AMN1: variants seen among roughly 807,000 people sequenced by gnomAD.
AMN1 encodes protein AMN1 homolog.
In AMN1, 20 loss-of-function variants were observed where a neutral mutation model predicts 33.0. That is an observed-to-expected ratio of 0.61 (90% confidence interval 0.43 to 0.88). AMN1 has a LOEUF of 0.88. AMN1 is among the 40% of genes least tolerant of loss of function. AMN1 has a pLI of 0.00. For missense variants in AMN1, 246 were observed against 307.4 expected (o/e 0.80, Z 1.49); for synonymous variants, 114 against 111.9 (o/e 1.02, Z -0.12).
chr12:31,672,919 G>C (rs1951312680), intron 6 of AMN1: 1 of 153,444 alleles, frequency 6.5e-6, no homozygotes, highest in Non-Finnish European at 1.5e-5. Context: ...TTCCATGTCT[G>C]TATAATACTA....
At chr12:31,676,855 A>G (rs187549060) in intron 6 of AMN1, among the ~76,000 whole-genome samples, 1 of 151,964 alleles carries the variant, frequency 6.6e-6, no homozygotes, top group East Asian at 1.9e-4. Flanking sequence ...GTTATATTAC[A>G]GTCTCCTTAG....
intron 6 of AMN1, 24 bp from the exon 7 acceptor site, chr12:31,672,401 A>G (rs574564194): frequency 1.3e-6 from 2 of 1,484,320 alleles, no homozygotes; most frequent in East Asian, 2.4e-5. Context: ...CAATGACAAT[A>G]TATTAATTGA....
At chr12:31,684,899 A>C (rs954774545) in intron 6 of AMN1, among the ~76,000 whole-genome samples, 7 of 152,208 alleles carry the variant, frequency 4.6e-5, no homozygotes, top group African/African-American at 1.7e-4. Context: ...CCAACATAAA[A>C]ATACGAAGGT....
chr12:31,682,290 A>G (rs972197396), intron 6 of AMN1, among the ~76,000 whole-genome samples: 1 of 152,194 alleles, frequency 6.6e-6, no homozygotes, highest in African/African-American at 2.4e-5. Context: ...CAGAACAAAG[A>G]AAAAGATGTG....
At chr12:31,724,543 A>G (rs553009254) in intron 1 of AMN1, among the ~76,000 whole-genome samples, 1 of 152,090 alleles carries the variant, frequency 6.6e-6, no homozygotes. Flanking sequence ...ATATATATAT[A>G]TTTTTTTACC....
chr12:31,720,397 G>A (rs894927473), intron 1 of AMN1, among the ~76,000 whole-genome samples: 10 of 152,234 alleles, frequency 6.6e-5, no homozygotes, highest in South Asian at 2.1e-4. Flanking sequence ...AAAATTAGCC[G>A]GGTGTGGTGG....
In AMN1 at chr12:31,687,131, C is replaced by T. The variant is rs1047533330; in HGVS notation, c.703+1876G>A. 2.6e-5 allele frequency among the ~76,000 whole-genome samples: 4 copies of T among 152,060 alleles called. No homozygotes were observed. The highest frequency in any genetic ancestry group is 1.3e-4 in the Admixed American group (2 of 15,262). ...GCTTAAGTGATCCACCCACCTTAGC[C>T]TCCCACAGTGCTGGGATTACAGGCA... On this transcript the variant is annotated intron_variant, in intron 6 of 6. Transcript: ENST00000281471. This position sits in a 1 kb window ranked among gnomAD's most constrained non-coding sequence, Gnocchi z 4.1.
At chr12:31,699,997 T>C (rs1357041397) in intron 3 of AMN1, among the ~76,000 whole-genome samples, 1 of 152,200 alleles carries the variant, frequency 6.6e-6, no homozygotes, top group Non-Finnish European at 1.5e-5. Flanking sequence ...TTCTTTTTTG[T>C]GAGTTATTAT....
chr12:31,722,876 G>A (rs138353790), intron 1 of AMN1, among the ~76,000 whole-genome samples: 42 of 152,266 alleles, frequency 2.8e-4, no homozygotes, highest in African/African-American at 9.6e-4. Flanking sequence ...CAAGTTTTAC[G>A]CCTGGCACGG....
At position 31,697,590 on chromosome 12, in the gene AMN1, T is replaced by G; in HGVS notation, c.534+150A>C. Reference sequence around the variant, plus strand: ...CTTAATTGAGAGGAATATGCCAATATATATCTCAATTACTTAACCACAAAA... The same window carrying G: ...CTTAATTGAGAGGAATATGCCAATAGATATCTCAATTACTTAACCACAAAA... On this transcript the variant is annotated intron_variant, in intron 4 of 6. Transcript: ENST00000281471. The G allele has an allele frequency of 3.9e-6, 4 of 1,016,552 alleles. No homozygotes were observed. In the South Asian group the frequency reaches 6.1e-5, roughly 16 times the overall value. 63.0% of individuals were successfully genotyped at this position (1,016,552 alleles called of 1,614,324 possible).
intron 5 of AMN1, 55 bp from the exon 6 acceptor site, chr12:31,689,173 G>C (rs1428452805): frequency 1.7e-6 from 2 of 1,187,612 alleles, no homozygotes; most frequent in Non-Finnish European, 1.2e-6. Flanking sequence ...TATAATAACA[G>C]TATGAACAAT....
intron 5 of AMN1, among the ~76,000 whole-genome samples, chr12:31,689,639 C>T (rs1454917841): frequency 6.6e-6 from 1 of 152,130 alleles, no homozygotes; most frequent in Admixed American, 6.6e-5. Context: ...CAATTTCACT[C>T]GTAGGCATTT....
chr12:31,726,576 A>C (rs574023227), intron 1 of AMN1, among the ~76,000 whole-genome samples: 32 of 152,370 alleles, frequency 2.1e-4, no homozygotes, highest in African/African-American at 7.7e-4. Flanking sequence ...TGAGGAGATA[A>C]GGAGTTTATG....
Position 31,672,118 on chromosome 12 carries a change from G to A in AMN1, c.*186C>T. The A allele has an allele frequency of 1.9e-6, 1 of 520,652 alleles. No homozygotes were observed. The highest frequency in any genetic ancestry group is 3.4e-6 in the Non-Finnish European group (1 of 291,722). 32.3% of individuals were successfully genotyped at this position (520,652 alleles called of 1,614,324 possible). On this transcript the variant is annotated 3_prime_UTR_variant, in exon 7 of 7. Coordinates refer to ENST00000281471, the MANE Select transcript of AMN1 (RefSeq NM_001113402.2). ...TATAGAATAATAGCACTTTAAAGAT[G>A]TTTAAGAGTAAAGCACAAACCATGT...
rs1003459540 is a variant in AMN1, at chr12:31,712,730, A to T, written c.39-3305T>A. On this transcript the variant is annotated intron_variant, in intron 1 of 6. Coordinates refer to ENST00000281471, the MANE Select transcript of AMN1 (RefSeq NM_001113402.2). ...GAGTGCAGTGGCACAATCTCAGCTC[A>T]CTGCAACCTCTGCCTTCCGGGTTCA... Among the ~76,000 whole-genome samples the T allele has an allele frequency of 3.3e-5, 5 of 152,198 alleles. No homozygotes were observed. The South Asian group carries it at 8.3e-4, about 25-fold the overall frequency.
At chr12:31,672,566 G>A in intron 6 of AMN1, 189 bp from the exon 7 acceptor site, 2 of 502,736 alleles carry the variant, frequency 4.0e-6, no homozygotes, top group Non-Finnish European at 7.1e-6. Context: ...ATTATTAGGT[G>A]TAGTGCACCT....
At chr12:31,728,912 T>C in intron 1 of AMN1, 59 bp downstream of exon 1, 3 of 1,520,762 alleles carry the variant, frequency 2.0e-6, no homozygotes, top group Non-Finnish European at 1.8e-6. Flanking sequence ...GCGCAGGGCC[T>C]GGCCGTTTGG....
chr12:31,713,331 T>A (rs977522144), intron 1 of AMN1, among the ~76,000 whole-genome samples: 2 of 152,228 alleles, frequency 1.3e-5, no homozygotes, highest in African/African-American at 4.8e-5. Context: ...ACTATATTCT[T>A]ATTTTTCTAC....
chr12:31,684,747 C>T (rs760619412), intron 6 of AMN1, among the ~76,000 whole-genome samples: 11 of 151,942 alleles, frequency 7.2e-5, no homozygotes, highest in East Asian at 1.9e-4. Flanking sequence ...CTGGGATTAC[C>T]GGCGTGAGCC....
Sources: gnomAD v4.1 joint callset for allele counts (sites outside exome capture counted in the v4.1 genomes callset) on GRCh38, gnomAD v4.1.1 for gene constraint, Gnocchi (gnomAD v3.1) non-coding constraint, MANE v1.5 for transcripts, NCBI Gene and HGNC (gene_info 2026-07-23, HGNC 2026-07-21) for gene names.